Variants in AMOTL2 observed in about 807,000 individuals in gnomAD.
AMOTL2 encodes the protein angiomotin like 2, also known as angiomotin-like protein 2.
A neutral mutation model predicts 78.4 loss-of-function variants in AMOTL2; 33 were observed. That is an observed-to-expected ratio of 0.42 (90% CI 0.32 to 0.56). The LOEUF is 0.56. Among genes scored for constraint, AMOTL2 ranks in the 20% least tolerant of loss-of-function variants. AMOTL2 has a pLI of 0.12. For missense variants in AMOTL2, 983 were observed against 1,030.1 expected (o/e 0.95, Z 0.63); for synonymous variants, 422 against 428.8 (o/e 0.98, Z 0.20).
rs1460824371 is a variant in AMOTL2 at position 134,371,127 on chromosome 3, C to G, written c.307G>C (p.Glu103Gln). Residue 103 changes from glutamate (E) to glutamine (Q), a missense_variant, in exon 2 of 10, where the codon GAG (glutamate) becomes CAG (glutamine). Coordinates refer to ENST00000249883, the MANE Select transcript of AMOTL2 (RefSeq NM_016201.4). ...TTGGCCTCCTCATAGGTGGGCAGCT[C>G]CTCTCCCTTGCTGGGCTGTGGGCAT... ...RLCPQPSKGEELPTYEEAKAH... is the reference protein window; with the variant it reads ...RLCPQPSKGEQLPTYEEAKAH... 5 of 1,613,604 alleles carry G rather than the reference C, an allele frequency of 3.1e-6. No individual in the cohort carries two copies. The highest frequency in any genetic ancestry group is 3.4e-6 in the Non-Finnish European group (4 of 1,179,846).
At chr3:134,366,947 GAGCTGCCTCTGCCTGGTGTCCC>G (rs2017633108) in intron 3 of AMOTL2, 1 of 155,548 alleles carries the variant, frequency 6.4e-6, no homozygotes, top group Admixed American at 6.5e-5. Context: ...GCACCAGGCA[GAGCTGCCTCTGCCTGGTGTCCC>G]AGGCATCACC....
rs770246697 is a variant in AMOTL2, at chr3:134,371,503, G to A, written c.-61-9C>T. The A allele has an allele frequency of 2.5e-6, 4 of 1,583,202 alleles. No homozygotes were observed. Among genetic ancestry groups the A allele is most frequent in the African/African-American group, 2.7e-5 (2 of 74,538 alleles). On this transcript the variant is annotated splice_polypyrimidine_tract_variant and intron_variant, in intron 1 of 9. Coordinates refer to ENST00000249883, the MANE Select transcript of AMOTL2 (RefSeq NM_016201.4). Reference sequence around the variant, plus strand: ...ACCTGGCCCCAGAGCACCTGGAGTGGGGTGGGGAGAGAGAGAGAGAAAAGC... The same window carrying A: ...ACCTGGCCCCAGAGCACCTGGAGTGAGGTGGGGAGAGAGAGAGAGAAAAGC...
intron 1 of AMOTL2, chr3:134,373,756 T>C: frequency 1.0e-6 from 1 of 985,438 alleles, no homozygotes; most frequent in Non-Finnish European, 1.2e-6. Flanking sequence ...GGAGAGGTCT[T>C]TAAGCATCGC....
chr3:134,367,770 G>C lies in AMOTL2; in HGVS notation c.768C>G (p.Leu256=), dbSNP rs777518806. 6.2e-7 allele frequency: 1 copy of C among 1,613,610 alleles called. No homozygotes were observed. The highest frequency in any genetic ancestry group is 1.3e-5 in the African/African-American group (1 of 74,902). The change falls in exon 3 of 10, where the codon CTC becomes CTG. Residue 256 remains leucine (L), a synonymous_variant. Transcript: ENST00000249883. ...GGTACTGGTACTGCTGCTGCTGTTG[G>C]AGGAACACAGGAGGCACCTGGGCCT... ...ILQAQVPPVF[L]QQQQQYQYLQ... is the part of the protein sequence containing the mutation.
intron 8 of AMOTL2, 32 bp downstream of exon 8, chr3:134,359,251 C>G: frequency 6.2e-7 from 1 of 1,607,674 alleles, no homozygotes. Flanking sequence ...GAAATTACCT[C>G]TCAATCTATC....
chr3:134,374,151 C>G (rs1991440), intron 1 of AMOTL2, 191 bp downstream of exon 1: 216,377 of 820,876 alleles, frequency 0.26, 29,358 homozygotes, highest in African/African-American at 0.33. Flanking sequence ...CAGCGCGCTG[C>G]GCTCCCTGGG....
In AMOTL2 at chr3:134,358,708, G is replaced by A; in HGVS notation, c.2116C>T (p.Pro706Ser). 24 of 1,614,124 alleles carry A rather than the reference G, an allele frequency of 1.5e-5. No individual in the cohort carries two copies. The highest frequency in any genetic ancestry group is 2.0e-5 in the Non-Finnish European group (24 of 1,180,034). The stretch of plus-strand genomic sequence containing the variant: ...GCTGTGACCACTGGCTCCTCTGTGG[G>A]TGCTCTGTCTGCTGGAAAGGTAGGT... ...PARLTTADRAPTEEPVVTAPP... is the reference protein window; with the variant it reads ...PARLTTADRASTEEPVVTAPP... The change falls in exon 9 of 10, where the codon CCC becomes TCC. Residue 706 changes from proline to serine, a missense_variant. By Grantham distance (74) the Pro-to-Ser change is moderately conservative. Coordinates refer to ENST00000249883, the MANE Select transcript of AMOTL2 (RefSeq NM_016201.4).
chr3:134,375,128 A>T (rs1476944242), upstream of AMOTL2: 4 of 1,525,178 alleles, frequency 2.6e-6, no homozygotes, highest in Non-Finnish European at 3.5e-6. Context: ...CTATTTTACG[A>T]CCGTCTCGAC....
chr3:134,360,974 G>A (rs977702024), intron 6 of AMOTL2, among the ~76,000 whole-genome samples: 1 of 152,206 alleles, frequency 6.6e-6, no homozygotes, highest in African/African-American at 2.4e-5. Context: ...AGGGGTTCAA[G>A]ACCAGCCTGG....
At chr3:134,373,824 G>T in intron 1 of AMOTL2, 1 of 985,460 alleles carries the variant, frequency 1.0e-6, no homozygotes, top group South Asian at 4.7e-5. Flanking sequence ...TAACGCTGAC[G>T]TCACCGGGCT....
At chr3:134,374,720 C>G, upstream of AMOTL2, 1 of 982,654 alleles carries the variant, frequency 1.0e-6, no homozygotes, top group Non-Finnish European at 1.2e-6. Flanking sequence ...GCGGTGTGTC[C>G]GCCCCTGCCC....
At chr3:134,363,142 G>A (rs1447053224) in intron 5 of AMOTL2, among the ~76,000 whole-genome samples, 3 of 152,194 alleles carry the variant, frequency 2.0e-5, no homozygotes, top group African/African-American at 7.2e-5. Flanking sequence ...GGAACAGAAG[G>A]GTGAAGGCTT....
At chr3:134,363,326 T>C (rs891612559) in intron 5 of AMOTL2, among the ~76,000 whole-genome samples, 4 of 152,182 alleles carry the variant, frequency 2.6e-5, no homozygotes, top group Admixed American at 6.5e-5. Context: ...CCAATAATAT[T>C]GAAACGGATG....
In AMOTL2 at chr3:134,371,275, G is replaced by T. The variant is rs770787304; in HGVS notation, c.159C>A (p.Ala53=). 4 of 1,612,690 alleles carry T rather than the reference G, an allele frequency of 2.5e-6. No homozygotes were observed. The highest frequency in any genetic ancestry group is 1.8e-4 in the Middle Eastern group (1 of 5,670). ...AGTGGTGSPQ[A]SLEILAPEDS... is the part of the protein sequence containing the mutation. ...CCTCTGGGGCCAGGATCTCCAGGGA[G>T]GCCTGGGGGCTCCCTGTACCCCCAG... The change falls in exon 2 of 10, where the codon GCC becomes GCA. Residue 53 remains alanine (A), a synonymous_variant. Coordinates refer to ENST00000249883, the MANE Select transcript of AMOTL2 (RefSeq NM_016201.4).
rs2400277 is a variant in AMOTL2, at chr3:134,372,714, G to A, written c.-61-1220C>T. 7.1e-3 allele frequency among the ~76,000 whole-genome samples: 1,084 copies of A among 152,220 alleles called. 13 individuals carry two copies. The highest frequency in any genetic ancestry group is 0.025 in the African/African-American group (1,029 of 41,510). ...GGAGGCTGTTGGTTGAGAGACCTGG[G>A]GCAGGGGAGAGGGGACTGTGAGCCT... On this transcript the variant is annotated intron_variant, in intron 1 of 9. Transcript: ENST00000249883.
At position 134,357,734 on chromosome 3, in the gene AMOTL2, A is replaced by C; in HGVS notation, c.2314T>G (p.Leu772Val). 4.3e-6 allele frequency: 7 copies of C among 1,614,218 alleles called. No homozygotes were observed. Among genetic ancestry groups the C allele is most frequent in the African/African-American group, 1.3e-5 (1 of 75,058 alleles). ...DSVATSRVQD[L>V]SDMVEILI ...ATCAGTATCTCCACCATGTCTGACA[A>C]GTCCTGGACTCTGGATGTAGCTACA... is the stretch of plus-strand genomic sequence containing the variant. Residue 772 changes from leucine (L) to valine (V), a missense_variant, in exon 10 of 10, where the codon TTG becomes GTG. Coordinates refer to ENST00000249883, the MANE Select transcript of AMOTL2 (RefSeq NM_016201.4).
upstream of AMOTL2, chr3:134,375,142 A>C: frequency 6.5e-7 from 1 of 1,531,890 alleles, no homozygotes; most frequent in Non-Finnish European, 8.7e-7. Flanking sequence ...TCTCGACAGG[A>C]AGTGTGAATC....
intron 3 of AMOTL2, 108 bp downstream of exon 3, chr3:134,367,389 G>A (rs989227682): frequency 2.0e-5 from 27 of 1,332,254 alleles, no homozygotes; most frequent in Non-Finnish European, 2.7e-5. Context: ...GAGAAATCCA[G>A]CCAAACAGTT....
chr3:134,359,194 C>T, intron 8 of AMOTL2, 89 bp downstream of exon 8: 1 of 1,452,202 alleles, frequency 6.9e-7, no homozygotes, highest in East Asian at 2.3e-5. Context: ...CTCCTATAGC[C>T]TCAGTTCTGG....
Sources: gnomAD v4.1 joint callset for allele counts (sites outside exome capture counted in the v4.1 genomes callset) on GRCh38, gnomAD v4.1.1 for gene constraint, MANE v1.5 for transcripts, NCBI Gene and HGNC (gene_info 2026-07-23, HGNC 2026-07-21) for gene names.